SLIT3: variants seen among roughly 807,000 people sequenced by gnomAD.
The protein encoded by SLIT3 is slit guidance ligand 3, also known as slit homolog 3 protein.
Under a neutral mutation model 184.0 loss-of-function variants are expected in SLIT3, and 68 were observed. The observed-to-expected ratio is 0.37, with a 90% CI of 0.30 to 0.45. SLIT3 has a LOEUF of 0.45. Ranked by LOEUF, SLIT3 falls within the 20% of genes least tolerant of loss-of-function variation. The pLI, the probability that SLIT3 is intolerant of heterozygous loss-of-function variation, is 1.00. For missense variants in SLIT3, 1,707 were observed against 2,026.0 expected, an observed-to-expected ratio of 0.84 and a Z score of 3.02; for synonymous variants, 831 against 828.6, an observed-to-expected ratio of 1.00 and a Z score of -0.05.
rs115452265 is a variant in SLIT3, at chr5:168,779,199, T to C, written c.1152-4821A>G. Among the ~76,000 whole-genome samples, 541 of 152,280 alleles carry C rather than the reference T, an allele frequency of 3.6e-3. 4 individuals carry two copies. Among genetic ancestry groups the C allele is most frequent in the African/African-American group, 0.012 (515 of 41,540 alleles). On this transcript the variant is annotated intron_variant, in intron 12 of 35. Coordinates refer to ENST00000519560, the MANE Select transcript of SLIT3 (RefSeq NM_003062.4). ...CCACAACCCGTAAGAGGTAGGATAG[T>C]ATTTGGACTCACGACATCATAGCCC...
At chr5:168,982,283 G>T (rs773762230) in intron 4 of SLIT3, among the ~76,000 whole-genome samples, 3 of 152,152 alleles carry the variant, frequency 2.0e-5, no homozygotes, top group Non-Finnish European at 4.4e-5. Context: ...ACATTAACAG[G>T]TTATCATAGG....
chr5:168,954,111 C>T (rs1192974115), intron 4 of SLIT3, among the ~76,000 whole-genome samples: 1 of 152,038 alleles, frequency 6.6e-6, no homozygotes, highest in Non-Finnish European at 1.5e-5. Context: ...GATCAAGCGT[C>T]GGGAGGAAGG....
At chr5:168,954,733 C>T (rs569701342) in intron 4 of SLIT3, among the ~76,000 whole-genome samples, 1 of 152,102 alleles carries the variant, frequency 6.6e-6, no homozygotes, top group East Asian at 1.9e-4. Flanking sequence ...GCAGGTAAGG[C>T]AGGAGGGGGA....
chr5:168,847,214 G>A (rs368440858), intron 5 of SLIT3, among the ~76,000 whole-genome samples: 109 of 152,246 alleles, frequency 7.2e-4, no homozygotes, highest in African/African-American at 2.5e-3. Flanking sequence ...ATCTCTGTGG[G>A]TGTATTTTAT....
chr5:168,807,625 C>T (rs568334036), intron 8 of SLIT3, among the ~76,000 whole-genome samples: 1 of 152,254 alleles, frequency 6.6e-6, no homozygotes, highest in East Asian at 1.9e-4. Context: ...GGAAAAGAGC[C>T]ATGACTGAGA....
At chr5:169,299,037 T>C (rs1245967525) in intron 1 of SLIT3, among the ~76,000 whole-genome samples, 1 of 152,184 alleles carries the variant, frequency 6.6e-6, no homozygotes, top group Non-Finnish European at 1.5e-5. Flanking sequence ...TAACTTAATG[T>C]CTGAATTAAG....
intron 3 of SLIT3, among the ~76,000 whole-genome samples, chr5:169,218,727 G>T (rs1483083450): frequency 2.0e-5 from 3 of 152,228 alleles, no homozygotes; most frequent in African/African-American, 7.2e-5. Context: ...GCGTATAGAT[G>T]TGGTTAACAC....
chr5:168,967,826 T>C (rs953237040), intron 4 of SLIT3, among the ~76,000 whole-genome samples: 1 of 152,146 alleles, frequency 6.6e-6, no homozygotes, highest in South Asian at 2.1e-4. Context: ...AGCCTTCATC[T>C]GCAGGAAGAA....
At chr5:168,754,978 C>A (rs7731398) in intron 16 of SLIT3, among the ~76,000 whole-genome samples, 1 of 152,210 alleles carries the variant, frequency 6.6e-6, no homozygotes, top group Admixed American at 6.5e-5. Context: ...TGTGGAACTT[C>A]TAAGCTTTCT....
intron 3 of SLIT3, among the ~76,000 whole-genome samples, chr5:169,202,513 TA>T (rs932940362): frequency 1.6e-4 from 25 of 152,260 alleles, no homozygotes; most frequent in African/African-American, 6.0e-4. Context: ...TCTTGGACAC[TA>T]AAACCTGTGA....
At chr5:169,162,792 A>G (rs1403670324) in intron 4 of SLIT3, among the ~76,000 whole-genome samples, 2 of 152,214 alleles carry the variant, frequency 1.3e-5, no homozygotes, top group Admixed American at 6.5e-5. Flanking sequence ...ATGACCTTGT[A>G]TGATGCCTGG....
At chr5:168,822,869 ACTG>A (rs772761108) in intron 7 of SLIT3, among the ~76,000 whole-genome samples, 6 of 152,200 alleles carry the variant, frequency 3.9e-5, no homozygotes, top group Non-Finnish European at 7.3e-5. Context: ...ATCTGACAGA[ACTG>A]CTGATGTTAC....
chr5:169,164,637 G>T (rs961228275), intron 4 of SLIT3, among the ~76,000 whole-genome samples: 1 of 152,188 alleles, frequency 6.6e-6, no homozygotes, highest in African/African-American at 2.4e-5. Context: ...CCTGGCAGTT[G>T]TTTGGTTTGG....
intron 4 of SLIT3, among the ~76,000 whole-genome samples, chr5:168,894,803 C>T (rs756224465): frequency 1.7e-4 from 26 of 152,234 alleles, no homozygotes; most frequent in Non-Finnish European, 3.1e-4. Context: ...AGAACAACTT[C>T]TCCCCTCCTC....
intron 9 of SLIT3, among the ~76,000 whole-genome samples, chr5:168,802,830 T>C (rs1278148182): frequency 2.6e-5 from 4 of 152,222 alleles, no homozygotes; most frequent in Non-Finnish European, 5.9e-5. Context: ...GACACAATGC[T>C]AAGCATTTTA....
chr5:168,947,346 A>AT (rs1762512043), intron 4 of SLIT3, among the ~76,000 whole-genome samples: 1 of 152,190 alleles, frequency 6.6e-6, no homozygotes, highest in East Asian at 1.9e-4. Flanking sequence ...GCACTCTGGG[A>AT]TGTTCCCTGG....
At chr5:169,277,790 G>C (rs1414956208) in intron 1 of SLIT3, among the ~76,000 whole-genome samples, 5 of 152,198 alleles carry the variant, frequency 3.3e-5, no homozygotes, top group Admixed American at 2.0e-4. Context: ...GGAATTGCCA[G>C]ATCGTATGGT....
At chr5:168,959,147 G>A (rs577511754) in intron 4 of SLIT3, among the ~76,000 whole-genome samples, 1 of 152,368 alleles carries the variant, frequency 6.6e-6, no homozygotes, top group Admixed American at 6.5e-5. Flanking sequence ...GAAATAGCAT[G>A]TAGAAATGGC....
At chr5:168,867,518 G>C (rs1045027986) in intron 5 of SLIT3, among the ~76,000 whole-genome samples, 10 of 152,240 alleles carry the variant, frequency 6.6e-5, no homozygotes, top group African/African-American at 2.4e-4. Flanking sequence ...GTGTGACTTT[G>C]AAGAAGTAGG....
Sources: gnomAD v4.1 joint callset for allele counts (sites outside exome capture counted in the v4.1 genomes callset) on GRCh38, gnomAD v4.1.1 for gene constraint, MANE v1.5 for transcripts, NCBI Gene and HGNC (gene_info 2026-07-23, HGNC 2026-07-21) for gene names.